The following PLAT variants were observed in gnomAD, a reference collection of about 807,000 sequenced individuals.
The protein encoded by PLAT is tissue-type plasminogen activator.
Under a neutral mutation model 74.9 loss-of-function variants are expected in PLAT, and 48 were observed. That is an observed-to-expected ratio of 0.64 (90% confidence interval 0.51 to 0.82). PLAT has a LOEUF of 0.82. Ranked by LOEUF, PLAT falls within the 40% of genes least tolerant of loss-of-function variation. The probability of loss-of-function intolerance (pLI) is 0.00; values close to 1 mark genes in which losing one functional copy is unlikely to be tolerated. For synonymous variants in PLAT, 307 were observed against 294.4 expected (o/e 1.04, Z -0.44); for missense variants, 673 against 736.2 (o/e 0.91, Z 0.99).
At chr8:42,181,884 A>T in intron 9 of PLAT, 53 bp downstream of exon 9, 1 of 1,031,628 alleles carries the variant, frequency 9.7e-7, no homozygotes, top group Admixed American at 1.7e-5. Flanking sequence ...TGGCGAGGAG[A>T]TGGTGAAGAA....
intron 1 of PLAT, among the ~76,000 whole-genome samples, chr8:42,203,956 C>A (rs1463502562): frequency 3.0e-5 from 4 of 133,972 alleles, no homozygotes; most frequent in Non-Finnish European, 6.1e-5. Flanking sequence ...TGGAGTCAGA[C>A]CTTGTCTCTA....
In PLAT at chr8:42,175,861, G is replaced by A; in HGVS notation, c.*132C>T. The A allele has an allele frequency of 3.7e-6, 3 of 807,414 alleles. No homozygotes were observed. The highest frequency in any genetic ancestry group is 6.0e-6 in the Non-Finnish European group (3 of 502,734). 50.0% of individuals were successfully genotyped at this position (807,414 alleles called of 1,614,324 possible). On this transcript the variant is annotated 3_prime_UTR_variant, in exon 14 of 14. Coordinates refer to ENST00000220809, the MANE Select transcript of PLAT (RefSeq NM_000930.5). ...GGGAAAATGCACTCTTCCCTCTCCT[G>A]TAGGGTCTCGTCCCGCTTCTGCGGT...
intron 1 of PLAT, among the ~76,000 whole-genome samples, chr8:42,198,986 G>T (rs1282213700): frequency 6.6e-6 from 1 of 152,212 alleles, no homozygotes; most frequent in Non-Finnish European, 1.5e-5. Context: ...GAGAGCTGAA[G>T]TGAGATGCTG....
At chr8:42,188,688 G>T (rs1805576981) in intron 4 of PLAT, among the ~76,000 whole-genome samples, 1 of 152,168 alleles carries the variant, frequency 6.6e-6, no homozygotes, top group African/African-American at 2.4e-5. Context: ...TTGAAATGCA[G>T]TGGCACAATC....
intron 3 of PLAT, 28 bp downstream of exon 3, chr8:42,191,344 C>T: frequency 6.2e-7 from 1 of 1,606,458 alleles, no homozygotes; most frequent in South Asian, 1.1e-5. Context: ...TCCCTGATGA[C>T]CCCATGCACC....
Position 42,191,422 on chromosome 8 carries a change from GA to G in PLAT, c.73-9del. ...GAATCGGGCATGGATTTCCTGCGAA[GA>G]AACCAGAGGTGGAGGAAGGATCAGC... On this transcript the variant is annotated splice_polypyrimidine_tract_variant and intron_variant, in intron 2 of 13. Transcript: ENST00000220809. The G allele has an allele frequency of 6.2e-7, 1 of 1,613,940 alleles. No individual in the cohort carries two copies.
intron 1 of PLAT, among the ~76,000 whole-genome samples, chr8:42,206,408 T>G (rs1806333007): frequency 6.6e-6 from 1 of 152,140 alleles, no homozygotes; most frequent in Non-Finnish European, 1.5e-5. Context: ...TGAGTCTAGA[T>G]CCCAGAATGA....
At position 42,175,938 on chromosome 8, in the gene PLAT, T is replaced by C; in HGVS notation, c.*55A>G. ...GAAGCACTGCGCCTTTGCAGTGTCT[T>C]CTGAAGAAGAAGAGGCGGGATCTCA... On this transcript the variant is annotated 3_prime_UTR_variant, in exon 14 of 14. Transcript: ENST00000220809. 2 of 1,589,964 alleles carry C rather than the reference T, an allele frequency of 1.3e-6. No homozygotes were observed. The highest frequency in any genetic ancestry group is 1.7e-6 in the Non-Finnish European group (2 of 1,161,394).
intron 5 of PLAT, 119 bp from the exon 6 acceptor site, chr8:42,187,691 C>T (rs1805537901): frequency 1.9e-6 from 2 of 1,029,436 alleles, no homozygotes; most frequent in Admixed American, 2.7e-5. Flanking sequence ...TCGGAAGCCA[C>T]AGGCTGGGTG....
intron 13 of PLAT, among the ~76,000 whole-genome samples, chr8:42,177,101 C>T (rs1408876438): frequency 6.6e-6 from 1 of 152,122 alleles, no homozygotes; most frequent in Non-Finnish European, 1.5e-5. Flanking sequence ...TGCTTATGGG[C>T]ACGCACCACC....
intron 1 of PLAT, among the ~76,000 whole-genome samples, chr8:42,207,153 C>T (rs1806372844): frequency 6.6e-6 from 1 of 152,160 alleles, no homozygotes; most frequent in African/African-American, 2.4e-5. Context: ...TTATTGCTTG[C>T]TCGTCTTGAG....
At chr8:42,191,012 T>C (rs1391757912) in intron 3 of PLAT, among the ~76,000 whole-genome samples, 1 of 152,226 alleles carries the variant, frequency 6.6e-6, no homozygotes, top group African/African-American at 2.4e-5. Flanking sequence ...CTGGCGGCTG[T>C]GTGACCCTGG....
At chr8:42,199,277 T>A (rs1446533294) in intron 1 of PLAT, among the ~76,000 whole-genome samples, 1 of 152,196 alleles carries the variant, frequency 6.6e-6, no homozygotes, top group East Asian at 1.9e-4. Context: ...CTGTTTCTTA[T>A]CTAATTTCAC....
In PLAT at chr8:42,174,861, T is replaced by C. The variant is rs8178895; in HGVS notation, c.*1132A>G. ...CTCCCCTCTCTTGGCCCTCTACATA[T>C]TCATACCTCCATGGAGAGTGCCTTT... On this transcript the variant is annotated 3_prime_UTR_variant, in exon 14 of 14. Transcript: ENST00000220809. Among the ~76,000 whole-genome samples, 15,594 of 152,152 alleles carry C rather than the reference T, an allele frequency of 0.1. 1,012 individuals carry two copies. Among genetic ancestry groups the C allele is most frequent in the East Asian group, 0.19 (994 of 5,176 alleles).
At chr8:42,196,418 C>G (rs887053966) in intron 1 of PLAT, among the ~76,000 whole-genome samples, 1 of 152,086 alleles carries the variant, frequency 6.6e-6, no homozygotes, top group African/African-American at 2.4e-5. Flanking sequence ...CACACAGAGG[C>G]GATTCGAGCA....
chr8:42,189,071 A>C lies in PLAT; in HGVS notation c.116T>G (p.Val39Gly). ...CTGCGTTTTTTCATCTCTGCAGATC[A>C]CTATGAGAAAAGACAGGCCAGCCTC... The part of the protein sequence containing the change: ...RFRRGARSYQ[V>G]ICRDEKTQMI... Residue 39 changes from valine to glycine, a missense_variant and splice_region_variant, in exon 4 of 14, where the codon GTG becomes GGG. Physicochemically the swap from Val to Gly is moderately radical, Grantham distance 109 (BLOSUM62 -3). Coordinates refer to ENST00000220809, the MANE Select transcript of PLAT (RefSeq NM_000930.5). The C allele has an allele frequency of 6.2e-7, 1 of 1,612,016 alleles. No individual in the cohort carries two copies. The highest frequency in any genetic ancestry group is 8.5e-7 in the Non-Finnish European group (1 of 1,178,186).
Position 42,187,490 on chromosome 8 carries a change from G to C in PLAT, c.447C>G (p.Thr149=). The C allele has an allele frequency of 1.9e-6, 3 of 1,610,872 alleles. No homozygotes were observed. The highest frequency in any genetic ancestry group is 2.5e-6 in the Non-Finnish European group (3 of 1,179,822). The change falls in exon 6 of 14, where the codon ACC becomes ACG. Residue 149 remains threonine, a synonymous_variant. Transcript: ENST00000220809. ...GGGCCAACGCGCTGCTGTTCCAGTT[G>C]GTGCACTCGGCGCCACTCTCCGCTG... ...WSTAESGAEC[T]NWNSSALAQK...
chr8:42,183,250 G>A (rs771270565), intron 7 of PLAT, among the ~76,000 whole-genome samples: 7 of 152,156 alleles, frequency 4.6e-5, no homozygotes, highest in Admixed American at 6.5e-5. Flanking sequence ...TGATCTGCCC[G>A]CCTCAGCCTC....
chr8:42,182,616 C>T, intron 8 of PLAT, 103 bp downstream of exon 8: 2 of 809,110 alleles, frequency 2.5e-6, no homozygotes, highest in Non-Finnish European at 3.9e-6. Flanking sequence ...GCTTCCCACG[C>T]ACTGGGTCTG....
Sources: gnomAD v4.1 joint callset for allele counts (sites outside exome capture counted in the v4.1 genomes callset) on GRCh38, gnomAD v4.1.1 for gene constraint, MANE v1.5 for transcripts, NCBI Gene and HGNC (gene_info 2026-07-23, HGNC 2026-07-21) for gene names.